Variants in DPYD observed in about 807,000 individuals in gnomAD.
DPYD encodes the protein dihydropyrimidine dehydrogenase.
Under a neutral mutation model 116.2 loss-of-function variants are expected in DPYD, and 109 were observed. That is an observed-to-expected ratio of 0.94 (90% confidence interval 0.80 to 1.10). The LOEUF is 1.10. Among genes scored for constraint, DPYD ranks in the 50% least tolerant of loss-of-function variants. The pLI, the probability that DPYD is intolerant of heterozygous loss-of-function variation, is 0.00. For synonymous variants in DPYD, 440 were observed against 432.0 expected (o/e 1.02, Z -0.23); for missense variants, 1,302 against 1,254.5 (o/e 1.04, Z -0.57).
chr1:97,436,061 T>G (rs1348876007), intron 14 of DPYD, among the ~76,000 whole-genome samples: 1 of 152,006 alleles, frequency 6.6e-6, no homozygotes, highest in Non-Finnish European at 1.5e-5. Context: ...AATGGGCCCT[T>G]TGCACATTTT....
chr1:97,594,973 T>A, intron 9 of DPYD, 86 bp downstream of exon 9: 2 of 972,466 alleles, frequency 2.1e-6, no homozygotes, highest in Non-Finnish European at 1.5e-6. Context: ...AGCTGAACAA[T>A]GTGCTGCTGA....
At chr1:97,400,864 G>A (rs146930364) in intron 14 of DPYD, among the ~76,000 whole-genome samples, 3,224 of 151,986 alleles carry the variant, frequency 0.021, 109 homozygotes, top group African/African-American at 0.074. Context: ...TCTTGCTAGT[G>A]CTCTATCAAT....
chr1:97,260,950 G>T (rs1663833922), intron 18 of DPYD, among the ~76,000 whole-genome samples: 1 of 152,052 alleles, frequency 6.6e-6, no homozygotes, highest in Non-Finnish European at 1.5e-5. Context: ...ATGGACCACA[G>T]GCATATCAAA....
chr1:97,769,732 T>C (rs981637203), intron 3 of DPYD, among the ~76,000 whole-genome samples: 4 of 152,094 alleles, frequency 2.6e-5, no homozygotes, highest in African/African-American at 4.8e-5. Context: ...GCAAACATTA[T>C]CTCCATAAAT....
At chr1:97,401,817 G>T (rs375571948) in intron 14 of DPYD, among the ~76,000 whole-genome samples, 2 of 152,130 alleles carry the variant, frequency 1.3e-5, no homozygotes, top group African/African-American at 4.8e-5. Flanking sequence ...GGTGAAGGGT[G>T]TGTCTAGATT....
In DPYD at chr1:97,810,026, C is replaced by T. The variant is rs537454883; in HGVS notation, c.233+18088G>A. 1.2e-3 allele frequency among the ~76,000 whole-genome samples: 186 copies of T among 152,112 alleles called. No homozygotes were observed. In the Middle Eastern group the frequency reaches 0.024, roughly 19 times the overall value. ...CACCGGCCGGGCGTGGTGGCTCATG[C>T]CTGTAATCACAGCACTTTGGGAGGC... On this transcript the variant is annotated intron_variant, in intron 3 of 22. Coordinates refer to ENST00000370192, the MANE Select transcript of DPYD (RefSeq NM_000110.4).
At chr1:97,105,865 C>A (rs1326088377) in intron 20 of DPYD, among the ~76,000 whole-genome samples, 1 of 151,964 alleles carries the variant, frequency 6.6e-6, no homozygotes, top group African/African-American at 2.4e-5. Context: ...GAAAGCAGTG[C>A]CTAGTTGTAG....
chr1:97,265,848 CTTAGATGACTAAGTTTCTAAGAA>C (rs1664195223), intron 18 of DPYD, among the ~76,000 whole-genome samples: 5 of 152,112 alleles, frequency 3.3e-5, no homozygotes, highest in Non-Finnish European at 5.9e-5. Flanking sequence ...ATACTCTCTA[CTTAGATGACTAAGTTTCTAAGAA>C]AACCCCATCA....
intron 4 of DPYD, among the ~76,000 whole-genome samples, chr1:97,723,731 A>G (rs1375140850): frequency 6.6e-6 from 1 of 151,598 alleles, no homozygotes; most frequent in Non-Finnish European, 1.5e-5. Flanking sequence ...AGAGGTTAAT[A>G]ATAAATCATT....
intron 11 of DPYD, among the ~76,000 whole-genome samples, chr1:97,561,625 G>A (rs1384174964): frequency 1.3e-5 from 2 of 152,090 alleles, no homozygotes; most frequent in Non-Finnish European, 2.9e-5. Context: ...TAATCTACGT[G>A]CCTCTTTAGA....
intron 13 of DPYD, among the ~76,000 whole-genome samples, chr1:97,499,534 G>C (rs1348258407): frequency 3.3e-5 from 5 of 151,582 alleles, no homozygotes; most frequent in Non-Finnish European, 5.9e-5. Context: ...AACATATATA[G>C]TATATATACA....
At chr1:97,894,519 T>A (rs1672952609) in intron 1 of DPYD, among the ~76,000 whole-genome samples, 1 of 151,782 alleles carries the variant, frequency 6.6e-6, no homozygotes, top group South Asian at 2.1e-4. Context: ...CCATTTTATT[T>A]TATCAAGAAG....
At chr1:97,335,787 A>C (rs899834455) in intron 16 of DPYD, among the ~76,000 whole-genome samples, 2 of 152,188 alleles carry the variant, frequency 1.3e-5, no homozygotes, top group African/African-American at 4.8e-5. Flanking sequence ...TTGCTGCTTT[A>C]CTTCAAAGAA....
At chr1:97,176,606 A>G (rs182570533) in intron 20 of DPYD, among the ~76,000 whole-genome samples, 28 of 152,302 alleles carry the variant, frequency 1.8e-4, no homozygotes, top group Admixed American at 2.6e-4. Flanking sequence ...TAAAGTGCTT[A>G]TATAATTGTC....
chr1:97,124,087 T>C (rs901735704), intron 20 of DPYD, among the ~76,000 whole-genome samples: 3 of 152,136 alleles, frequency 2.0e-5, no homozygotes, highest in African/African-American at 7.2e-5. Flanking sequence ...CTCTCAATTT[T>C]TGCGTGAAAG....
intron 4 of DPYD, among the ~76,000 whole-genome samples, chr1:97,734,316 T>C (rs1378206004): frequency 6.6e-6 from 1 of 152,120 alleles, no homozygotes; most frequent in Non-Finnish European, 1.5e-5. Context: ...TGAATTGAAA[T>C]GTCCTCCTTA....
intron 20 of DPYD, among the ~76,000 whole-genome samples, chr1:97,188,558 A>G (rs1658153867): frequency 6.6e-6 from 1 of 152,200 alleles, no homozygotes; most frequent in South Asian, 2.1e-4. Flanking sequence ...ATATACAATT[A>G]AAGAAAATGC....
Position 97,079,161 on chromosome 1 carries a change from A to G in DPYD, c.2908-15T>C, listed in dbSNP as rs1387490013. ...AACTGTATAGCCTGCAAACAGAAAT[A>G]GAGGGTATTGATGTCACTGACCACA... On this transcript the variant is annotated splice_polypyrimidine_tract_variant and intron_variant, in intron 22 of 22. Coordinates refer to ENST00000370192, the MANE Select transcript of DPYD (RefSeq NM_000110.4). 6.2e-7 allele frequency: 1 copy of G among 1,612,788 alleles called. No individual in the cohort carries two copies. The highest frequency in any genetic ancestry group is 1.3e-5 in the African/African-American group (1 of 74,848).
At chr1:97,322,391 C>G (rs546824636) in intron 16 of DPYD, among the ~76,000 whole-genome samples, 4 of 151,920 alleles carry the variant, frequency 2.6e-5, no homozygotes, top group African/African-American at 7.2e-5. Flanking sequence ...ACTGATATCC[C>G]TTTTTGAGGT....
Sources: gnomAD v4.1 joint callset for allele counts (sites outside exome capture counted in the v4.1 genomes callset) on GRCh38, gnomAD v4.1.1 for gene constraint, MANE v1.5 for transcripts, NCBI Gene and HGNC (gene_info 2026-07-23, HGNC 2026-07-21) for gene names.